The following NKIRAS1 variants were observed in gnomAD, a reference collection of about 807,000 sequenced individuals.
The protein encoded by NKIRAS1 is NFKB inhibitor interacting Ras like 1.
In NKIRAS1, 16 loss-of-function variants were observed where a neutral mutation model predicts 19.8. The ratio of observed to expected loss-of-function variants is 0.81; its 90% CI spans 0.55 to 1.23. NKIRAS1 has a LOEUF of 1.23. Ranked by LOEUF, NKIRAS1 falls within the 50% of genes most tolerant of loss-of-function variation. The probability of loss-of-function intolerance (pLI) is 0.00; values close to 1 mark genes in which losing one functional copy is unlikely to be tolerated. For synonymous variants in NKIRAS1, 88 were observed against 79.0 expected, an observed-to-expected ratio of 1.11 and a Z score of -0.61; for missense variants, 184 against 220.0, an observed-to-expected ratio of 0.84 and a Z score of 1.04.
chr3:23,929,357 C>G (rs1705266808), intron 1 of NKIRAS1, among the ~76,000 whole-genome samples: 1 of 152,006 alleles, frequency 6.6e-6, no homozygotes, highest in African/African-American at 2.4e-5. Context: ...GAGCAAGATT[C>G]CATCTCAAAA....
In NKIRAS1 at chr3:23,927,108, T is replaced by A. The variant is rs1397664835; in HGVS notation, c.-139-15658A>T. On this transcript the variant is annotated intron_variant, in intron 1 of 4. Coordinates refer to the NKIRAS1 transcript ENST00000421515. This position sits in a 1 kb window ranked among gnomAD's most constrained non-coding sequence, Gnocchi z 4.0. Reference sequence around the variant, plus strand: ...CGATTTTAGTTATTCTTATTAATGATGCAGTGAACATCATCACTATACATA... The same window carrying A: ...CGATTTTAGTTATTCTTATTAATGAAGCAGTGAACATCATCACTATACATA... Among the ~76,000 whole-genome samples the A allele has an allele frequency of 6.6e-6, 1 of 152,250 alleles. No individual in the cohort carries two copies.
At chr3:23,919,448 C>T (rs1276878985), upstream of NKIRAS1, 2 of 1,604,070 alleles carry the variant, frequency 1.2e-6, no homozygotes, top group South Asian at 1.1e-5. Context: ...TGGTGGCTCT[C>T]GCCGGGCAGC....
At chr3:23,928,961 C>T (rs113020274) in intron 1 of NKIRAS1, among the ~76,000 whole-genome samples, 18 of 149,670 alleles carry the variant, frequency 1.2e-4, no homozygotes, top group Admixed American at 6.0e-4. Flanking sequence ...CGTGCCACTG[C>T]GCTCCAGCCT....
chr3:23,907,491 T>C (rs1445308791), intron 3 of NKIRAS1, among the ~76,000 whole-genome samples: 4 of 152,138 alleles, frequency 2.6e-5, no homozygotes, highest in Admixed American at 1.3e-4. Context: ...TCTCATGAGG[T>C]CTCCTTTCAG....
At chr3:23,942,296 C>G (rs944665993) in intron 1 of NKIRAS1, among the ~76,000 whole-genome samples, 2 of 151,826 alleles carry the variant, frequency 1.3e-5, no homozygotes, top group Admixed American at 6.6e-5. Context: ...GTACTGTGAA[C>G]TTCAGAGTTC....
upstream of NKIRAS1, chr3:23,919,358 C>T: frequency 5.0e-6 from 8 of 1,602,694 alleles, no homozygotes; most frequent in Non-Finnish European, 6.8e-6. Context: ...AGTCCACAAG[C>T]ACAGGGAGAT....
chr3:23,899,077 A>C (rs1702251555), intron 4 of NKIRAS1, among the ~76,000 whole-genome samples: 2 of 152,182 alleles, frequency 1.3e-5, no homozygotes, highest in South Asian at 4.2e-4. Flanking sequence ...CCTGGTGCCA[A>C]AAAGACTGGG....
chr3:23,895,188 A>C (rs1209328642), intron 4 of NKIRAS1, among the ~76,000 whole-genome samples: 1 of 151,738 alleles, frequency 6.6e-6, no homozygotes, highest in Non-Finnish European at 1.5e-5. Context: ...CTATTTTTTT[A>C]ATTTTTAGAG....
intron 1 of NKIRAS1, among the ~76,000 whole-genome samples, chr3:23,939,870 C>A (rs1203002747): frequency 1.3e-5 from 2 of 152,154 alleles, no homozygotes; most frequent in African/African-American, 4.8e-5. Flanking sequence ...CATGGACAAA[C>A]TCCTAGAATA....
upstream of NKIRAS1, chr3:23,919,779 T>C (rs1704970515): frequency 1.8e-6 from 2 of 1,131,852 alleles, no homozygotes; most frequent in Non-Finnish European, 2.2e-6. Context: ...ATAAATTCTT[T>C]AAAAGGAGAG....
rs1296649111 is a variant in NKIRAS1 at position 23,923,575 on chromosome 3, A to T, written c.-139-12125T>A. On this transcript the variant is annotated intron_variant, in intron 1 of 4. Transcript: ENST00000421515. ...TATCCCATCATGTGGATGTACCATGATTCATTGGATGTGGACCCTCCTGAT... is the reference window on the plus strand; with the variant it reads ...TATCCCATCATGTGGATGTACCATGTTTCATTGGATGTGGACCCTCCTGAT... 5 of 152,296 alleles carry T rather than the reference A, an allele frequency of 3.3e-5. No homozygotes were observed. In the East Asian group the frequency reaches 9.6e-4, roughly 29 times the overall value. The allele number at this position is 152,296 out of a possible 1,614,324, so 9.4% of individuals were successfully genotyped here. A position where few individuals can be genotyped will look rare whatever the true frequency, so the allele number is the denominator to read the frequency against.
At chr3:23,942,335 C>T (rs1325045960) in intron 1 of NKIRAS1, among the ~76,000 whole-genome samples, 1 of 152,160 alleles carries the variant, frequency 6.6e-6, no homozygotes, top group Admixed American at 6.5e-5. Context: ...CACAAACGCA[C>T]AGCTTCTCCC....
chr3:23,943,610 AT>A (rs1453548645), intron 1 of NKIRAS1, among the ~76,000 whole-genome samples: 2 of 152,168 alleles, frequency 1.3e-5, no homozygotes, highest in African/African-American at 2.4e-5. Context: ...CTCTTTTATG[AT>A]TTCTTTTCTG....
chr3:23,895,634 GA>G (rs1238913399), intron 4 of NKIRAS1, among the ~76,000 whole-genome samples: 1 of 152,174 alleles, frequency 6.6e-6, no homozygotes, highest in Non-Finnish European at 1.5e-5. Context: ...TATGGCTGGA[GA>G]AAAACATACA....
Position 23,890,224 on chromosome 3 carries a change from T to C in NKIRAS1, c.*2871A>G, listed in dbSNP as rs1178535767. ...TCTCTACTGAACTCAGCCTAACACA[T>C]AAGAGTAAAGAAACTCCAATTGAGT... On this transcript the variant is annotated 3_prime_UTR_variant, in exon 5 of 5. Transcript: ENST00000425478. Among the ~76,000 whole-genome samples, 2 of 152,010 alleles carry C rather than the reference T, an allele frequency of 1.3e-5. No individual in the cohort carries two copies. The highest frequency in any genetic ancestry group is 2.9e-5 in the Non-Finnish European group (2 of 68,018).
chr3:23,938,836 C>T (rs1335119797), intron 1 of NKIRAS1, among the ~76,000 whole-genome samples: 1 of 152,180 alleles, frequency 6.6e-6, no homozygotes. Flanking sequence ...GCCTGAGCTG[C>T]TCTGTAAGCA....
chr3:23,906,419 G>A (rs1019926384), intron 3 of NKIRAS1, among the ~76,000 whole-genome samples: 1 of 152,170 alleles, frequency 6.6e-6, no homozygotes, highest in Middle Eastern at 3.2e-3. Flanking sequence ...AAGAATCACA[G>A]TATACTATAC....
upstream of NKIRAS1, chr3:23,918,306 G>C: frequency 1.8e-6 from 2 of 1,110,500 alleles, no homozygotes; most frequent in African/African-American, 1.6e-5. Context: ...ACTGGGATGT[G>C]TTTTATTTTT....
intron 1 of NKIRAS1, chr3:23,923,994 A>C (rs1450240421): frequency 6.6e-6 from 1 of 152,196 alleles, no homozygotes; most frequent in African/African-American, 2.4e-5. Flanking sequence ...CTGGCCTCTC[A>C]TGCATTTAGG....
Sources: gnomAD v4.1 joint callset for allele counts (sites outside exome capture counted in the v4.1 genomes callset) on GRCh38, gnomAD v4.1.1 for gene constraint, Gnocchi (gnomAD v3.1) non-coding constraint, MANE v1.5 for transcripts, NCBI Gene and HGNC (gene_info 2026-07-23, HGNC 2026-07-21) for gene names.